SLC16A7: variants seen among roughly 807,000 people sequenced by gnomAD.
SLC16A7 encodes the protein monocarboxylate transporter 2.
A neutral mutation model predicts 34.9 loss-of-function variants in SLC16A7; 33 were observed. The ratio of observed to expected loss-of-function variants is 0.94; its 90% CI spans 0.72 to 1.26. SLC16A7 has a LOEUF of 1.26. SLC16A7 is among the 50% of genes most tolerant of loss of function. The pLI is 0.00. For missense variants in SLC16A7, 573 were observed against 578.1 expected (o/e 0.99, Z 0.09); for synonymous variants, 201 against 206.6 (o/e 0.97, Z 0.23).
At chr12:59,615,419 G>A (rs1879403769) in intron 1 of SLC16A7, among the ~76,000 whole-genome samples, 1 of 152,042 alleles carries the variant, frequency 6.6e-6, no homozygotes, top group South Asian at 2.1e-4. Flanking sequence ...AGTTATGGCA[G>A]TGATTACTAT....
chr12:59,615,142 C>T (rs1879389981), intron 1 of SLC16A7, among the ~76,000 whole-genome samples: 1 of 152,086 alleles, frequency 6.6e-6, no homozygotes, highest in African/African-American at 2.4e-5. Flanking sequence ...AAGTACTATC[C>T]TGGAAGGAGA....
chr12:59,727,170 A>ATATATATATATATAAAAT (rs1555174538), intron 3 of SLC16A7, among the ~76,000 whole-genome samples: 2,082 of 144,102 alleles, frequency 0.014, 66 homozygotes, highest in African/African-American at 0.053. Context: ...ATATATATAT[A>ATATATATATATATAAAAT]ATATATATAT....
intron 3 of SLC16A7, among the ~76,000 whole-genome samples, chr12:59,718,073 T>C (rs948966273): frequency 6.6e-6 from 1 of 152,190 alleles, no homozygotes; most frequent in Non-Finnish European, 1.5e-5. Context: ...AAGTCATAAA[T>C]ATTTATTAAC....
At chr12:59,659,670 C>T (rs1193164579) in intron 2 of SLC16A7, among the ~76,000 whole-genome samples, 1 of 152,014 alleles carries the variant, frequency 6.6e-6, no homozygotes, top group Non-Finnish European at 1.5e-5. Context: ...GGTATATGGT[C>T]AAATGGGGTT....
At chr12:59,683,923 C>T (rs1016262357) in intron 2 of SLC16A7, among the ~76,000 whole-genome samples, 2 of 152,086 alleles carry the variant, frequency 1.3e-5, no homozygotes, top group South Asian at 2.1e-4. Context: ...TTATTACATA[C>T]CATTAAAAAT....
At chr12:59,598,061 C>T (rs992269911) in intron 1 of SLC16A7, among the ~76,000 whole-genome samples, 1 of 152,256 alleles carries the variant, frequency 6.6e-6, no homozygotes, top group East Asian at 1.9e-4. Flanking sequence ...CTAAATAAAC[C>T]TCCCTTGTCT....
Position 59,786,072 on chromosome 12 carries a change from T to G in SLC16A7, c.*6393T>G, listed in dbSNP as rs1883599057. 1 of 149,524 alleles carries G rather than the reference T, an allele frequency of 6.7e-6. No homozygotes were observed. Among genetic ancestry groups the G allele is most frequent in the South Asian group, 2.2e-4 (1 of 4,624 alleles). 9.3% of individuals were successfully genotyped at this position (149,524 alleles called of 1,614,324 possible). The stretch of plus-strand genomic sequence containing the variant: ...AGGGGGGAGGGATAGCATTGGGAGA[T>G]ATACCTAATGCTAGGTGACGAGTTA... On this transcript the variant is annotated 3_prime_UTR_variant, in exon 6 of 6. Transcript: ENST00000547379.
At chr12:59,766,381 G>A (rs1294355480) in intron 3 of SLC16A7, among the ~76,000 whole-genome samples, 1 of 152,144 alleles carries the variant, frequency 6.6e-6, no homozygotes, top group South Asian at 2.1e-4. Flanking sequence ...AATAGGAGTG[G>A]TGAGAGAGGG....
intron 1 of SLC16A7, among the ~76,000 whole-genome samples, chr12:59,636,413 A>G (rs1386350486): frequency 6.6e-6 from 1 of 152,158 alleles, no homozygotes; most frequent in Admixed American, 6.6e-5. Flanking sequence ...TGTTCAGGCA[A>G]CATACTTTTT....
chr12:59,619,183 A>G (rs1367661431), intron 1 of SLC16A7, among the ~76,000 whole-genome samples: 2 of 152,100 alleles, frequency 1.3e-5, no homozygotes, highest in Non-Finnish European at 2.9e-5. Flanking sequence ...TTGGATTTGT[A>G]GGAGTCAAAC....
At chr12:59,746,806 A>G (rs1471094734) in intron 3 of SLC16A7, among the ~76,000 whole-genome samples, 1 of 152,130 alleles carries the variant, frequency 6.6e-6, no homozygotes, top group Non-Finnish European at 1.5e-5. Context: ...CAGAAAGGCA[A>G]TAGTGTGTTT....
chr12:59,734,875 A>G (rs1469143191), intron 3 of SLC16A7, among the ~76,000 whole-genome samples: 1 of 152,236 alleles, frequency 6.6e-6, no homozygotes, highest in East Asian at 1.9e-4. Flanking sequence ...TATATTCTTT[A>G]AAATCTCATC....
chr12:59,756,129 C>T (rs1379806724), intron 3 of SLC16A7, among the ~76,000 whole-genome samples: 2 of 152,036 alleles, frequency 1.3e-5, no homozygotes, highest in African/African-American at 2.4e-5. Context: ...AAGTCTTAAA[C>T]GTTAGACCTA....
chr12:59,612,469 G>A (rs185870807), intron 1 of SLC16A7, among the ~76,000 whole-genome samples: 6 of 152,316 alleles, frequency 3.9e-5, no homozygotes, highest in Admixed American at 2.6e-4. Flanking sequence ...TGTGATAGGA[G>A]GGGCAGCGAT....
rs1271462229 is a variant in SLC16A7, at chr12:59,781,916, T to A, written c.*2237T>A. 1 of 150,832 alleles carries A rather than the reference T, an allele frequency of 6.6e-6. No homozygotes were observed. Among genetic ancestry groups the A allele is most frequent in the Admixed American group, 6.6e-5 (1 of 15,112 alleles). The allele number at this position is 150,832 out of a possible 1,614,324, so 9.3% of individuals were successfully genotyped here. A position where few individuals can be genotyped will look rare whatever the true frequency, so the allele number is the denominator to read the frequency against. ...AGGTCAAAGACTACATTATATATATTTTTTATTACCTTCTAGTAGAGACAT... is the reference window on the plus strand; with the variant it reads ...AGGTCAAAGACTACATTATATATATATTTTATTACCTTCTAGTAGAGACAT... On this transcript the variant is annotated 3_prime_UTR_variant, in exon 6 of 6. Transcript: ENST00000547379.
At chr12:59,762,570 T>G (rs558794452) in intron 3 of SLC16A7, among the ~76,000 whole-genome samples, 1 of 152,296 alleles carries the variant, frequency 6.6e-6, no homozygotes, top group South Asian at 2.1e-4. Flanking sequence ...TAAAAATTTC[T>G]TTTGAATTTT....
intron 5 of SLC16A7, among the ~76,000 whole-genome samples, chr12:59,777,070 T>C (rs1007774596): frequency 6.6e-6 from 1 of 152,190 alleles, no homozygotes; most frequent in Non-Finnish European, 1.5e-5. Context: ...GGATAGACTC[T>C]AAGAATTAAA....
chr12:59,640,108 A>G (rs1003316692), intron 1 of SLC16A7, among the ~76,000 whole-genome samples: 1 of 152,174 alleles, frequency 6.6e-6, no homozygotes, highest in Non-Finnish European at 1.5e-5. Flanking sequence ...GTGGGGGTAC[A>G]CAGCTTTCAT....
chr12:59,637,638 C>G (rs912007422), intron 1 of SLC16A7, among the ~76,000 whole-genome samples: 8 of 152,134 alleles, frequency 5.3e-5, no homozygotes, highest in African/African-American at 1.9e-4. Flanking sequence ...GATATGGGAG[C>G]CTTCAGAAAT....
Sources: allele counts gnomAD v4.1 joint callset (sites outside exome capture counted in the v4.1 genomes callset), GRCh38; gene constraint gnomAD v4.1.1; transcripts MANE v1.5; gene names NCBI Gene and HGNC (gene_info 2026-07-23, HGNC 2026-07-21).